Variants in POU2F1 observed in about 807,000 individuals in gnomAD.
POU2F1 encodes the protein POU domain, class 2, transcription factor 1.
A neutral mutation model predicts 84.9 loss-of-function variants in POU2F1; 16 were observed. The ratio of observed to expected loss-of-function variants is 0.19; its 90% CI spans 0.13 to 0.29. POU2F1 has a LOEUF of 0.29. Ranked by LOEUF, POU2F1 falls within the 10% of genes least tolerant of loss-of-function variation. The pLI is 1.00. For missense variants in POU2F1, 738 were observed against 942.6 expected (o/e 0.78, Z 2.84); for synonymous variants, 368 against 368.3 (o/e 1.00, Z 0.01).
At chr1:167,343,683 T>A (rs1658012576) in intron 2 of POU2F1, among the ~76,000 whole-genome samples, 1 of 40,982 alleles carries the variant, frequency 2.4e-5, no homozygotes, top group Non-Finnish European at 4.5e-5. Flanking sequence ...TTTTTTTTTT[T>A]TTTGAAGGAA....
In POU2F1 at chr1:167,396,494, T is replaced by C. The variant is rs537582841; in HGVS notation, c.1129+67T>C. On this transcript the variant is annotated intron_variant, in intron 10 of 15. Transcript: ENST00000367866. ...TTTTACATGGGGATTGTTATATAAATTGGGGTTTATATTTCTTACTCTATT... is the reference window on the plus strand; with the variant it reads ...TTTTACATGGGGATTGTTATATAAACTGGGGTTTATATTTCTTACTCTATT... 4.8e-5 allele frequency: 72 copies of C among 1,494,228 alleles called. No homozygotes were observed. In the South Asian group the frequency reaches 6.9e-4, roughly 14 times the overall value. 92.6% of individuals were successfully genotyped at this position (1,494,228 alleles called of 1,614,324 possible). A position where few individuals can be genotyped will look rare whatever the true frequency, so the allele number is the denominator to read the frequency against.
chr1:167,278,229 T>A (rs969884337), intron 1 of POU2F1, among the ~76,000 whole-genome samples: 1 of 152,226 alleles, frequency 6.6e-6, no homozygotes, highest in Admixed American at 6.5e-5. Context: ...TTCCATTTCA[T>A]TCTTCACGTC....
chr1:167,361,732 T>G (rs1215209760), intron 2 of POU2F1, among the ~76,000 whole-genome samples: 1 of 152,162 alleles, frequency 6.6e-6, no homozygotes, highest in Non-Finnish European at 1.5e-5. Context: ...TGGGGGATAG[T>G]TTCAGTAGAA....
intron 1 of POU2F1, among the ~76,000 whole-genome samples, chr1:167,234,806 A>G (rs1649333454): frequency 6.6e-6 from 1 of 152,198 alleles, no homozygotes; most frequent in Non-Finnish European, 1.5e-5. Flanking sequence ...CTGGAGCAGC[A>G]TTTATATTTT....
intron 1 of POU2F1, among the ~76,000 whole-genome samples, chr1:167,264,701 C>T (rs1275321043): frequency 2.6e-5 from 4 of 152,130 alleles, no homozygotes; most frequent in African/African-American, 4.8e-5. Context: ...TCCAGCCCTA[C>T]AGCTATTCTT....
chr1:167,334,513 T>A (rs1229980754), intron 2 of POU2F1, among the ~76,000 whole-genome samples: 1 of 152,180 alleles, frequency 6.6e-6, no homozygotes, highest in African/African-American at 2.4e-5. Flanking sequence ...GCAGCCCACA[T>A]GTAAGTTTCC....
At chr1:167,306,285 T>C (rs1040250183) in intron 1 of POU2F1, among the ~76,000 whole-genome samples, 8 of 152,164 alleles carry the variant, frequency 5.3e-5, no homozygotes, top group African/African-American at 1.9e-4. Context: ...CCACTAGTAC[T>C]TTAGACATGT....
chr1:167,319,412 A>G (rs576168616), intron 1 of POU2F1, among the ~76,000 whole-genome samples: 1 of 152,122 alleles, frequency 6.6e-6, no homozygotes, highest in Non-Finnish European at 1.5e-5. Flanking sequence ...CAAAAAATTT[A>G]AAGTCAGTAA....
At chr1:167,310,622 A>G (rs554098635) in intron 1 of POU2F1, among the ~76,000 whole-genome samples, 22 of 152,306 alleles carry the variant, frequency 1.4e-4, no homozygotes, top group Admixed American at 1.4e-3. Context: ...GTACGTAAAA[A>G]TGTTTAATAT....
chr1:167,412,895 A>G, intron 14 of POU2F1, 131 bp from the exon 15 acceptor site: 1 of 690,196 alleles, frequency 1.4e-6, no homozygotes, highest in Non-Finnish European at 2.5e-6. Flanking sequence ...ACCATAGAAG[A>G]GTAAAGAAAA....
chr1:167,279,500 A>G (rs1652965306), intron 1 of POU2F1, among the ~76,000 whole-genome samples: 1 of 152,206 alleles, frequency 6.6e-6, no homozygotes, highest in East Asian at 1.9e-4. Flanking sequence ...AGGTGAGAAG[A>G]GTTATGACTT....
chr1:167,305,570 A>C (rs1172318614), intron 1 of POU2F1, among the ~76,000 whole-genome samples: 1 of 152,190 alleles, frequency 6.6e-6, no homozygotes, highest in Non-Finnish European at 1.5e-5. Context: ...TACGGTGTGG[A>C]GATCTTATAG....
At chr1:167,332,602 A>T in intron 2 of POU2F1, 67 bp downstream of exon 2, 1 of 1,323,054 alleles carries the variant, frequency 7.6e-7, no homozygotes, top group Non-Finnish European at 1.1e-6. Context: ...GTTTCCATGT[A>T]ACTAGGACTT....
chr1:167,291,667 G>C (rs1468194931), intron 1 of POU2F1, among the ~76,000 whole-genome samples: 1 of 152,056 alleles, frequency 6.6e-6, no homozygotes, highest in Non-Finnish European at 1.5e-5. Context: ...ATTTTTTAAG[G>C]TTTTAATTTT....
At chr1:167,298,162 A>T (rs772142891) in intron 1 of POU2F1, among the ~76,000 whole-genome samples, 41 of 151,980 alleles carry the variant, frequency 2.7e-4, no homozygotes, top group Admixed American at 6.6e-4. Flanking sequence ...AAAAACAAAC[A>T]AATAGAGCAA....
At position 167,413,132 on chromosome 1, in the gene POU2F1, T is replaced by G. The variant is rs1291230390; in HGVS notation, c.1990+18T>G. On this transcript the variant is annotated intron_variant, in intron 15 of 15. Transcript: ENST00000367866. ...TATTCAAGGTCAGTAGAAGCCTTTTTCTTAATTTGGTGGCATGCACGTGTG... is the reference window on the plus strand; with the variant it reads ...TATTCAAGGTCAGTAGAAGCCTTTTGCTTAATTTGGTGGCATGCACGTGTG... 1 of 1,593,954 alleles carries G rather than the reference T, an allele frequency of 6.3e-7. No homozygotes were observed. The highest frequency in any genetic ancestry group is 8.6e-7 in the Non-Finnish European group (1 of 1,163,656).
At chr1:167,278,156 A>AG (rs1652868190) in intron 1 of POU2F1, among the ~76,000 whole-genome samples, 1 of 152,100 alleles carries the variant, frequency 6.6e-6, no homozygotes, top group South Asian at 2.1e-4. Flanking sequence ...TGAGCCACTG[A>AG]GACTTTTGTT....
At chr1:167,388,274 G>A (rs1648131942) in intron 8 of POU2F1, among the ~76,000 whole-genome samples, 1 of 152,280 alleles carries the variant, frequency 6.6e-6, no homozygotes, top group Admixed American at 6.5e-5. Flanking sequence ...TAAAGCAGCA[G>A]GGAACTACCA....
chr1:167,311,580 T>C lies in POU2F1; in HGVS notation c.62-20890T>C, dbSNP rs117873053. ...CATAGGTTATAATGGAACTGAAAAATTCCTATTGCTTGGTGATGTCTTGAT... is the reference window on the plus strand; with the variant it reads ...CATAGGTTATAATGGAACTGAAAAACTCCTATTGCTTGGTGATGTCTTGAT... On this transcript the variant is annotated intron_variant, in intron 1 of 15. Transcript: ENST00000367866. Among the ~76,000 whole-genome samples, 12 of 152,116 alleles carry C rather than the reference T, an allele frequency of 7.9e-5. No individual in the cohort carries two copies. The East Asian group carries it at 1.9e-3, about 24-fold the overall frequency.
Sources: gnomAD v4.1 joint callset for allele counts (sites outside exome capture counted in the v4.1 genomes callset) on GRCh38, gnomAD v4.1.1 for gene constraint, MANE v1.5 for transcripts, NCBI Gene and HGNC (gene_info 2026-07-23, HGNC 2026-07-21) for gene names.